The following AHDC1 variants were observed in gnomAD, a reference collection of about 807,000 sequenced individuals.
AHDC1 encodes the protein transcription factor Gibbin.
A neutral mutation model predicts 87.9 loss-of-function variants in AHDC1; 7 were observed. That is an observed-to-expected ratio of 0.08 (90% CI 0.05 to 0.15). The LOEUF is 0.15. Ranked by LOEUF, AHDC1 falls within the 10% of genes least tolerant of loss-of-function variation. The probability of loss-of-function intolerance (pLI) is 1.00; values close to 1 mark genes in which losing one functional copy is unlikely to be tolerated. For missense variants in AHDC1, 1,841 were observed against 2,253.2 expected, an observed-to-expected ratio of 0.82 and a Z score of 3.70; for synonymous variants, 1,051 against 1,006.8, an observed-to-expected ratio of 1.04 and a Z score of -0.83.
chr1:27,547,222 C>A lies in AHDC1; in HGVS notation c.*43+39G>T. ...AAGCTCTGATGTCCTCTTCCCACCC[C>A]CAGGCCTCTGCCCACTGCGCCCACA... On this transcript the variant is annotated intron_variant, in intron 8 of 8. Transcript: ENST00000673934. This position sits in a 1 kb window ranked among gnomAD's most constrained non-coding sequence, Gnocchi z 4.9. 1 of 1,386,976 alleles carries A rather than the reference C, an allele frequency of 7.2e-7. No homozygotes were observed. Among genetic ancestry groups the A allele is most frequent in the Non-Finnish European group, 9.7e-7 (1 of 1,027,270 alleles). The allele number at this position is 1,386,976 out of a possible 1,614,324, so 85.9% of individuals were successfully genotyped here. A position where few individuals can be genotyped will look rare whatever the true frequency, so the allele number is the denominator to read the frequency against.
chr1:27,571,394 AAG>A lies in AHDC1; in HGVS notation c.-628-12513_-628-12512del, dbSNP rs757968810. Among the ~76,000 whole-genome samples the A allele has an allele frequency of 6.2e-4, 95 of 152,160 alleles. 1 individual carries two copies. Among genetic ancestry groups the A allele is most frequent in the Non-Finnish European group, 1.2e-3 (84 of 68,006 alleles). On this transcript the variant is annotated intron_variant, in intron 3 of 8. Coordinates refer to ENST00000673934, the MANE Select transcript of AHDC1 (RefSeq NM_001371928.1). ...CCAGGCACAGAGGCAGGCTGGGACA[AAG>A]AGCCTGGAGCGGAGCAGAACCCTGA...
rs1199454509 is a variant in AHDC1, at chr1:27,552,111, C to T, written c.5G>A (p.Arg2His). M[R>H]VKPQGLVVTS... is the part of the protein sequence containing the mutation. ...CACCACCAGGCCCTGGGGCTTCACA[C>T]GCATCCTGACCTTGTCCTCCGCAGG... Residue 2 changes from arginine to histidine, a missense_variant, in exon 8 of 9, where the codon CGT (arginine) becomes CAT (histidine). Transcript: ENST00000673934. 2.9e-5 allele frequency: 42 copies of T among 1,455,748 alleles called. No individual in the cohort carries two copies. The highest frequency in any genetic ancestry group is 3.5e-5 in the Non-Finnish European group (39 of 1,104,754). The allele number at this position is 1,455,748 out of a possible 1,614,324, so 90.2% of individuals were successfully genotyped here.
Position 27,548,199 on chromosome 1 carries a change from A to T in AHDC1, c.3917T>A (p.Phe1306Tyr). 6.2e-7 allele frequency: 1 copy of T among 1,613,656 alleles called. No individual in the cohort carries two copies. Among genetic ancestry groups the T allele is most frequent in the South Asian group, 1.1e-5 (1 of 91,086 alleles). The change falls in exon 8 of 9, where the codon TTC (phenylalanine) becomes TAC (tyrosine). Residue 1306 changes from phenylalanine (F) to tyrosine (Y), a missense_variant. Transcript: ENST00000673934. ...IPKPQPVNPL[F>Y]QDSPDLGLDY... The stretch of plus-strand genomic sequence containing the variant: ...CAGGCCGAGGTCAGGACTGTCCTGG[A>T]ACAGTGGGTTGACTGGCTGTGGCTT...
At position 27,560,856 on chromosome 1, in the gene AHDC1, T is replaced by C. The variant is rs2020045434; in HGVS notation, c.-628-1973A>G. Among the ~76,000 whole-genome samples, 1 of 151,976 alleles carries C rather than the reference T, an allele frequency of 6.6e-6. No individual in the cohort carries two copies. The highest frequency in any genetic ancestry group is 2.4e-5 in the African/African-American group (1 of 41,342). ...CTTTGTGAAGGGCTCAGTGTGTGAG[T>C]GCGTGTGTGCATGCATGTGAGATAC... is the stretch of plus-strand genomic sequence containing the variant. On this transcript the variant is annotated intron_variant, in intron 3 of 8. Transcript: ENST00000673934. This position sits in a 1 kb window ranked among gnomAD's most constrained non-coding sequence, Gnocchi z 4.1.
At position 27,603,723 on chromosome 1, in the gene AHDC1, C is replaced by G. The variant is rs1431360703; in HGVS notation, c.-727+5G>C. The G allele has an allele frequency of 2.2e-5, 3 of 136,776 alleles. No homozygotes were observed. Among genetic ancestry groups the G allele is most frequent in the African/African-American group, 8.1e-5 (3 of 36,996 alleles). The allele number at this position is 136,776 out of a possible 1,614,324, so 8.5% of individuals were successfully genotyped here. On this transcript the variant is annotated splice_donor_5th_base_variant and intron_variant, in intron 2 of 8. Coordinates refer to ENST00000673934, the MANE Select transcript of AHDC1 (RefSeq NM_001371928.1). ...CCCCCGCCCCCACCCCCCCCAATAG[C>G]AAACCTGGGAGGGAACGCGCCCCGC...
rs1377192312 is a variant in AHDC1 at position 27,595,869 on chromosome 1, C to G, written c.-629+7528G>C. ...TTGGGGGTATGTGCATGTGAGGTAG[C>G]TGGATGTCGGGGGGTATCTGTATGT... On this transcript the variant is annotated intron_variant, in intron 3 of 8. Coordinates refer to ENST00000673934, the MANE Select transcript of AHDC1 (RefSeq NM_001371928.1). This position sits in a 1 kb window ranked among gnomAD's most constrained non-coding sequence, Gnocchi z 4.0. Among the ~76,000 whole-genome samples, 4 of 151,026 alleles carry G rather than the reference C, an allele frequency of 2.6e-5. No individual in the cohort carries two copies. Among genetic ancestry groups the G allele is most frequent in the East Asian group, 2.0e-4 (1 of 5,102 alleles).
chr1:27,587,625 G>C (rs2089097284), intron 3 of AHDC1, among the ~76,000 whole-genome samples: 1 of 152,148 alleles, frequency 6.6e-6, no homozygotes, highest in Non-Finnish European at 1.5e-5. Context: ...TGGTTATCAG[G>C]TGAGCTTTCT....
intron 3 of AHDC1, among the ~76,000 whole-genome samples, chr1:27,585,045 C>T (rs1321807592): frequency 1.3e-5 from 2 of 151,742 alleles, no homozygotes; most frequent in Non-Finnish European, 1.5e-5. Context: ...TGGTGGCAGG[C>T]GCCTGTAATC....
In AHDC1 at chr1:27,547,880, C is replaced by T; in HGVS notation, c.4236G>A (p.Leu1412=). 6.4e-7 allele frequency: 1 copy of T among 1,553,478 alleles called. No individual in the cohort carries two copies. The highest frequency in any genetic ancestry group is 8.7e-7 in the Non-Finnish European group (1 of 1,146,796). ...CSPTLGFKEE[L]RPPPTKLAAC... ...CAGCCAGCTTTGTGGGCGGTGGCCG[C>T]AGCTCTTCCTTGAAGCCCAGTGTAG... is the stretch of plus-strand genomic sequence containing the variant. The change falls in exon 8 of 9, where the codon CTG becomes CTA. Residue 1412 remains leucine (L), a synonymous_variant. Transcript: ENST00000673934. This position sits in a 1 kb window ranked among gnomAD's most constrained non-coding sequence, Gnocchi z 4.9.
At position 27,550,399 on chromosome 1, in the gene AHDC1, TGGCTGCCTCGGCCGCCACCAC is replaced by T. The variant is rs756024627; in HGVS notation, c.1696_1716del (p.Val566_Ala572del). On this transcript the variant is annotated inframe_deletion, in exon 8 of 9. Transcript: ENST00000673934. Reference sequence around the variant, plus strand: ...ATGGCCATGGTGGCCGCTGCCACAGTGGCTGCCTCGGCCGCCACCACAGCTGGCTCCTTGGGCTTGCCGGGA... The same window carrying T: ...ATGGCCATGGTGGCCGCTGCCACAGTAGCTGGCTCCTTGGGCTTGCCGGGA... 1.9e-6 allele frequency: 3 copies of T among 1,612,116 alleles called. No homozygotes were observed. The highest frequency in any genetic ancestry group is 2.5e-6 in the Non-Finnish European group (3 of 1,178,816).
Position 27,551,978 on chromosome 1 carries a change from G to C in AHDC1, c.138C>G (p.Ser46Arg), listed in dbSNP as rs2019597147. ...RPLLPTRPPASPPDKAFSTHA... is the reference protein window; with the variant it reads ...RPLLPTRPPARPPDKAFSTHA... Reference sequence around the variant, plus strand: ...GGGTGGAGAAGGCCTTGTCAGGTGGGCTGGCAGGGGGCCGGGTGGGAAGCA... The same window carrying C: ...GGGTGGAGAAGGCCTTGTCAGGTGGCCTGGCAGGGGGCCGGGTGGGAAGCA... Residue 46 changes from serine (S) to arginine (R), a missense_variant, in exon 8 of 9, where the codon AGC (serine) becomes AGG (arginine). Physicochemically the swap from Ser to Arg is moderately radical, Grantham distance 110. This residue lies in a region of AHDC1 where 142 missense variants were observed against 165.6 expected (regional missense o/e 0.86). Coordinates refer to ENST00000673934, the MANE Select transcript of AHDC1 (RefSeq NM_001371928.1). 1 of 1,487,654 alleles carries C rather than the reference G, an allele frequency of 6.7e-7. No individual in the cohort carries two copies. Among genetic ancestry groups the C allele is most frequent in the Non-Finnish European group, 9.0e-7 (1 of 1,116,904 alleles). 92.2% of individuals were successfully genotyped at this position (1,487,654 alleles called of 1,614,324 possible).
At chr1:27,601,248 T>C (rs2089521584) in intron 3 of AHDC1, among the ~76,000 whole-genome samples, 1 of 152,256 alleles carries the variant, frequency 6.6e-6, no homozygotes, top group Non-Finnish European at 1.5e-5. Flanking sequence ...TATCGGCACG[T>C]GGGCTGGGAG....
At position 27,551,553 on chromosome 1, in the gene AHDC1, G is replaced by A; in HGVS notation, c.563C>T (p.Ala188Val). Residue 188 changes from alanine (A) to valine (V), a missense_variant, in exon 8 of 9, where the codon GCC becomes GTC. Around this residue, in one of 13 missense-constraint regions of AHDC1, gnomAD observed 370 missense variants for 391.5 expected, o/e 0.95. Transcript: ENST00000673934. Reference sequence around the variant, plus strand: ...GGGATGGCTGGGCCGCTCCGACTTGGCGTGTGGGGTGGCCCGCTCCTCAGG... The same window carrying A: ...GGGATGGCTGGGCCGCTCCGACTTGACGTGTGGGGTGGCCCGCTCCTCAGG... The part of the protein sequence containing the change: ...RSPEERATPH[A>V]KSERPSHPLY... 1 of 1,607,870 alleles carries A rather than the reference G, an allele frequency of 6.2e-7. No homozygotes were observed. Among genetic ancestry groups the A allele is most frequent in the Non-Finnish European group, 8.5e-7 (1 of 1,176,274 alleles).
chr1:27,550,048 A>T lies in AHDC1; in HGVS notation c.2068T>A (p.Ser690Thr), dbSNP rs774296546. The change falls in exon 8 of 9, where the codon TCC (serine) becomes ACC (threonine). Residue 690 changes from serine (S) to threonine (T), a missense_variant. Ser to Thr is a moderately conservative substitution (Grantham distance 58, BLOSUM62 1). Transcript: ENST00000673934. Reference sequence around the variant, plus strand: ...ATGCCCTCAAAGAAGTCACTGAAGGAGCATCGGGCTGACTTGGCCGCATGG... The same window carrying T: ...ATGCCCTCAAAGAAGTCACTGAAGGTGCATCGGGCTGACTTGGCCGCATGG... ...GGHAAKSARCSFSDFFEGIGK... is the reference protein window; with the variant it reads ...GGHAAKSARCTFSDFFEGIGK... 1 of 1,603,344 alleles carries T rather than the reference A, an allele frequency of 6.2e-7. No individual in the cohort carries two copies. Among genetic ancestry groups the T allele is most frequent in the South Asian group, 1.1e-5 (1 of 90,614 alleles).
chr1:27,579,617 T>C (rs968376907), intron 3 of AHDC1, among the ~76,000 whole-genome samples: 2 of 152,152 alleles, frequency 1.3e-5, no homozygotes, highest in East Asian at 3.8e-4. Flanking sequence ...GTTTAAAATC[T>C]ACACACCCCT....
rs1034580675 is a variant in AHDC1 at position 27,593,235 on chromosome 1, C to T, written c.-629+10162G>A. 6.6e-6 allele frequency among the ~76,000 whole-genome samples: 1 copy of T among 152,086 alleles called. No individual in the cohort carries two copies. Among genetic ancestry groups the T allele is most frequent in the African/African-American group, 2.4e-5 (1 of 41,398 alleles). On this transcript the variant is annotated intron_variant, in intron 3 of 8. Transcript: ENST00000673934. This position sits in a 1 kb window ranked among gnomAD's most constrained non-coding sequence, Gnocchi z 4.9. ...GCTCCGTCCCTCCCCTCCCCCTCCA[C>T]TCCTCCAGGCAGGCAGCGATAGGAT...
intron 5 of AHDC1, among the ~76,000 whole-genome samples, chr1:27,554,175 G>A (rs572454486): frequency 6.6e-6 from 1 of 152,272 alleles, no homozygotes; most frequent in East Asian, 1.9e-4. Flanking sequence ...TTCTTCTCCA[G>A]ACCCAAGAAG....
rs1241378811 is a variant in AHDC1 at position 27,557,094 on chromosome 1, C to T, written c.-225+1211G>A. ...CACCCCCTTCCTCCCTGGAACAGGG[C>T]ACCTGGCAAGCAGGTCTGCCCCAGA... On this transcript the variant is annotated intron_variant, in intron 5 of 8. Transcript: ENST00000673934. 7.5e-5 allele frequency among the ~76,000 whole-genome samples: 11 copies of T among 145,830 alleles called. No homozygotes were observed. In the East Asian group the frequency reaches 2.4e-3, roughly 31 times the overall value.
chr1:27,543,317 G>A (rs1043162719), intron 8 of AHDC1, among the ~76,000 whole-genome samples: 1 of 152,226 alleles, frequency 6.6e-6, no homozygotes, highest in African/African-American at 2.4e-5. Flanking sequence ...CGTGGAGCCA[G>A]TCTGTCTGGC....
Sources: gnomAD v4.1 joint callset for allele counts (sites outside exome capture counted in the v4.1 genomes callset) on GRCh38, gnomAD v4.1.1 for gene constraint, gnomAD v4.1.1 regional missense constraint, Gnocchi (gnomAD v3.1) non-coding constraint, MANE v1.5 for transcripts, NCBI Gene and HGNC (gene_info 2026-07-23, HGNC 2026-07-21) for gene names.